The following TBC1D9 variants were observed in gnomAD, a reference collection of about 807,000 sequenced individuals.
The protein encoded by TBC1D9 is TBC1 domain family member 9A.
Under a neutral mutation model 132.0 loss-of-function variants are expected in TBC1D9, and 63 were observed. The ratio of observed to expected loss-of-function variants is 0.48; its 90% CI spans 0.39 to 0.59. The LOEUF (loss-of-function observed/expected upper bound fraction) is 0.59, where lower values mean the gene tolerates loss of function less well. Among genes scored for constraint, TBC1D9 ranks in the 20% least tolerant of loss-of-function variants. The pLI is 0.00. For synonymous variants in TBC1D9, 610 were observed against 609.9 expected, an observed-to-expected ratio of 1.00 and a Z score of 0.00; for missense variants, 1,261 against 1,592.7, an observed-to-expected ratio of 0.79 and a Z score of 3.54.
At chr4:140,678,833 A>T (rs1313934299) in intron 5 of TBC1D9, 109 bp downstream of exon 5, 4 of 1,327,236 alleles carry the variant, frequency 3.0e-6, no homozygotes, top group African/African-American at 1.5e-5. Context: ...CTATACACAG[A>T]AGAGTGTTCA....
chr4:140,656,987 A>T, intron 13 of TBC1D9, 110 bp downstream of exon 13: 1 of 1,326,840 alleles, frequency 7.5e-7, no homozygotes, highest in Non-Finnish European at 1.0e-6. Context: ...AGAAATAAAT[A>T]TCTGTTCTTT....
chr4:140,712,739 T>C lies in TBC1D9; in HGVS notation c.131-11125A>G, dbSNP rs1738268913. Among the ~76,000 whole-genome samples the C allele has an allele frequency of 3.0e-5, 3 of 101,398 alleles. No homozygotes were observed. The South Asian group carries it at 1.2e-3, about 40-fold the overall frequency. The allele number at this position is 101,398 out of a possible 152,430, so 66.5% of individuals were successfully genotyped here. A position where few individuals can be genotyped will look rare whatever the true frequency, so the allele number is the denominator to read the frequency against. On this transcript the variant is annotated intron_variant, in intron 1 of 20. Coordinates refer to ENST00000442267, the MANE Select transcript of TBC1D9 (RefSeq NM_015130.3). ...GCCCGGGCAAGAGAGTGAGACTCCA[T>C]CTCAAAAAAATAGATAGATAGATAG...
chr4:140,690,290 G>C (rs775189063), intron 2 of TBC1D9, among the ~76,000 whole-genome samples: 7 of 152,020 alleles, frequency 4.6e-5, no homozygotes, highest in Non-Finnish European at 1.0e-4. Flanking sequence ...CCCACCTGTT[G>C]CCTCCTCTGC....
intron 3 of TBC1D9, among the ~76,000 whole-genome samples, chr4:140,684,482 A>G (rs1300345195): frequency 1.3e-5 from 2 of 152,224 alleles, no homozygotes; most frequent in East Asian, 3.9e-4. Context: ...ATTAATAGCA[A>G]ATCCCTCCTC....
chr4:140,720,055 T>C (rs768779384), intron 1 of TBC1D9, among the ~76,000 whole-genome samples: 1 of 152,198 alleles, frequency 6.6e-6, no homozygotes, highest in Non-Finnish European at 1.5e-5. Flanking sequence ...AAAGGAAATA[T>C]TGCACATGAA....
At chr4:140,644,547 C>G (rs1737069940) in intron 13 of TBC1D9, 1 of 310,700 alleles carries the variant, frequency 3.2e-6, no homozygotes, top group Non-Finnish European at 6.2e-6. Flanking sequence ...GCCAGGCCAG[C>G]CTTGCCCCCG....
In TBC1D9 at chr4:140,657,091, A is replaced by T. The variant is rs780451142; in HGVS notation, c.2337+6T>A. The T allele has an allele frequency of 6.2e-7, 1 of 1,613,138 alleles. No homozygotes were observed. Among genetic ancestry groups the T allele is most frequent in the Non-Finnish European group, 8.5e-7 (1 of 1,179,628 alleles). On this transcript the variant is annotated splice_donor_region_variant and intron_variant, in intron 13 of 20. Coordinates refer to ENST00000442267, the MANE Select transcript of TBC1D9 (RefSeq NM_015130.3). ...AAGCCCTGCTCAGCCAGGAGACAAG[A>T]CCTACCTCGTAGGAAGTTCTGATGA... is the stretch of plus-strand genomic sequence containing the variant.
intron 2 of TBC1D9, among the ~76,000 whole-genome samples, chr4:140,691,873 T>A (rs1184434982): frequency 1.3e-5 from 2 of 152,224 alleles, no homozygotes; most frequent in Admixed American, 6.5e-5. Flanking sequence ...TTGAAATCTA[T>A]CTTAAAGTCA....
intron 5 of TBC1D9, 24 bp downstream of exon 5, chr4:140,678,918 A>C (rs776617690): frequency 1.2e-6 from 2 of 1,607,970 alleles, no homozygotes; most frequent in South Asian, 2.2e-5. Flanking sequence ...AAAGTCTGGA[A>C]GATACAAGGT....
In TBC1D9 at chr4:140,639,446, T is replaced by G; in HGVS notation, c.2338-18A>C. 1 of 1,567,860 alleles carries G rather than the reference T, an allele frequency of 6.4e-7. No individual in the cohort carries two copies. Reference sequence around the variant, plus strand: ...CCGAATTTCTGTAAAGGAGCAATATTGGTGTCTCTGAAAAAATCTCTTACA... The same window carrying G: ...CCGAATTTCTGTAAAGGAGCAATATGGGTGTCTCTGAAAAAATCTCTTACA... On this transcript the variant is annotated intron_variant, in intron 13 of 20. Transcript: ENST00000442267.
At chr4:140,629,791 T>G (rs909944824) in intron 16 of TBC1D9, among the ~76,000 whole-genome samples, 2 of 152,198 alleles carry the variant, frequency 1.3e-5, no homozygotes, top group Non-Finnish European at 2.9e-5. Flanking sequence ...AGTTTCTTAA[T>G]GATCACATGG....
chr4:140,732,077 C>T (rs991893404), intron 1 of TBC1D9, among the ~76,000 whole-genome samples: 3 of 152,292 alleles, frequency 2.0e-5, no homozygotes, highest in South Asian at 2.1e-4. Flanking sequence ...ACTCAGGTAA[C>T]GGCTCAGAAG....
intron 13 of TBC1D9, among the ~76,000 whole-genome samples, chr4:140,654,379 A>G (rs1370524317): frequency 6.6e-6 from 1 of 150,378 alleles, no homozygotes; most frequent in East Asian, 2.0e-4. Flanking sequence ...AAATAAGGAA[A>G]GGAATGTGAG....
chr4:140,633,912 C>G, intron 16 of TBC1D9, 36 bp downstream of exon 16: 1 of 1,608,752 alleles, frequency 6.2e-7, no homozygotes, highest in Non-Finnish European at 8.5e-7. Context: ...ACTCCAGCAT[C>G]CCATCCCAAC....
chr4:140,686,270 A>G, intron 3 of TBC1D9, 74 bp downstream of exon 3: 1 of 994,170 alleles, frequency 1.0e-6, no homozygotes, highest in Non-Finnish European at 1.5e-6. Flanking sequence ...TGTTTTACTC[A>G]ATTCTTATTT....
At chr4:140,730,466 G>A (rs967006562) in intron 1 of TBC1D9, among the ~76,000 whole-genome samples, 20 of 152,178 alleles carry the variant, frequency 1.3e-4, no homozygotes, top group African/African-American at 4.8e-4. Flanking sequence ...ACTCATGCCT[G>A]TGATAATCCT....
chr4:140,691,973 T>C (rs1157096634), intron 2 of TBC1D9, among the ~76,000 whole-genome samples: 2 of 152,190 alleles, frequency 1.3e-5, no homozygotes, highest in Admixed American at 6.5e-5. Context: ...GGTTTAAGGC[T>C]CCACTGATAG....
At chr4:140,642,447 A>G (rs1239807466) in intron 13 of TBC1D9, 4 of 883,850 alleles carry the variant, frequency 4.5e-6, no homozygotes, top group Non-Finnish European at 1.8e-6. Context: ...TGTCATAAGG[A>G]GTTAAGTACT....
intron 1 of TBC1D9, among the ~76,000 whole-genome samples, chr4:140,739,705 T>C (rs964119131): frequency 1.3e-5 from 2 of 152,212 alleles, no homozygotes; most frequent in African/African-American, 4.8e-5. Context: ...GAATTTTCCT[T>C]ATTAAGAGGC....
Sources: gnomAD v4.1 joint callset for allele counts (sites outside exome capture counted in the v4.1 genomes callset) on GRCh38, gnomAD v4.1.1 for gene constraint, MANE v1.5 for transcripts, NCBI Gene and HGNC (gene_info 2026-07-23, HGNC 2026-07-21) for gene names.